The following AUTS2 variants were observed in gnomAD, a reference collection of about 807,000 sequenced individuals.
AUTS2 encodes the protein activator of transcription and developmental regulator AUTS2, also known as autism susceptibility gene 2 protein.
AUTS2 carries 17 observed loss-of-function variants against 112.4 expected under a neutral mutation model. The observed-to-expected ratio is 0.15, with a 90% CI of 0.10 to 0.23. The LOEUF is 0.23. Ranked by LOEUF, AUTS2 falls within the 10% of genes least tolerant of loss-of-function variation. The pLI is 1.00. For synonymous variants in AUTS2, 751 were observed against 702.7 expected (o/e 1.07, Z -1.09); for missense variants, 1,510 against 1,701.6 (o/e 0.89, Z 1.98).
chr7:69,922,436 GA>G (rs758989861), intron 2 of AUTS2, among the ~76,000 whole-genome samples: 2 of 152,206 alleles, frequency 1.3e-5, no homozygotes, highest in African/African-American at 2.4e-5. Flanking sequence ...TAAGACTTTA[GA>G]AATGGCTTAA....
chr7:69,670,753 A>T (rs1796282667), intron 1 of AUTS2, among the ~76,000 whole-genome samples: 2 of 151,894 alleles, frequency 1.3e-5, no homozygotes, highest in Admixed American at 1.3e-4. Flanking sequence ...CTTTCCAACT[A>T]CTTGGGAAGC....
intron 2 of AUTS2, among the ~76,000 whole-genome samples, chr7:69,957,134 C>T (rs1423037255): frequency 6.6e-6 from 1 of 151,572 alleles, no homozygotes; most frequent in Non-Finnish European, 1.5e-5. Flanking sequence ...CCTTGGCCCC[C>T]AGAAGTTCTG....
chr7:70,775,285 C>T, intron 12 of AUTS2, 72 bp from the exon 13 acceptor site: 2 of 1,307,172 alleles, frequency 1.5e-6, no homozygotes, highest in African/African-American at 1.5e-5. Flanking sequence ...TAATGAAGCA[C>T]TACAAATTTG....
At chr7:69,804,705 G>A (rs925014387) in intron 1 of AUTS2, among the ~76,000 whole-genome samples, 4 of 152,188 alleles carry the variant, frequency 2.6e-5, no homozygotes, top group South Asian at 2.1e-4. Context: ...GTCGAGAATC[G>A]TGCTGAGTTT....
At chr7:70,750,096 C>T (rs1788706913) in intron 6 of AUTS2, among the ~76,000 whole-genome samples, 1 of 152,088 alleles carries the variant, frequency 6.6e-6, no homozygotes, top group Admixed American at 6.6e-5. Context: ...GTGGTCCCTC[C>T]CCTGCAGAAC....
chr7:70,118,797 G>A (rs1031796554), intron 3 of AUTS2: 9 of 151,974 alleles, frequency 5.9e-5, no homozygotes, highest in African/African-American at 1.7e-4. Context: ...ATAAATTCCC[G>A]TTGGATTTCT....
chr7:69,732,010 T>G (rs567335361), intron 1 of AUTS2, among the ~76,000 whole-genome samples: 6 of 152,266 alleles, frequency 3.9e-5, no homozygotes, highest in African/African-American at 1.4e-4. Flanking sequence ...TTTTTGTTTT[T>G]TTTTTCCGCC....
chr7:70,527,057 C>A (rs145102724), intron 5 of AUTS2, among the ~76,000 whole-genome samples: 202 of 152,312 alleles, frequency 1.3e-3, no homozygotes, highest in African/African-American at 4.5e-3. Flanking sequence ...GCTGGTATCA[C>A]ACAAGCTGAG....
intron 1 of AUTS2, among the ~76,000 whole-genome samples, chr7:69,657,258 T>C (rs529890837): frequency 6.6e-6 from 1 of 152,318 alleles, no homozygotes; most frequent in South Asian, 2.1e-4. Flanking sequence ...TAGTGCTGAT[T>C]AGAGGTGACC....
At chr7:70,012,557 G>C (rs1799853248) in intron 2 of AUTS2, among the ~76,000 whole-genome samples, 1 of 151,938 alleles carries the variant, frequency 6.6e-6, no homozygotes, top group African/African-American at 2.4e-5. Context: ...CTCATCTCCT[G>C]CTTCTTATTT....
At chr7:70,116,407 G>A (rs1056391153) in intron 2 of AUTS2, among the ~76,000 whole-genome samples, 3 of 152,140 alleles carry the variant, frequency 2.0e-5, no homozygotes, top group Non-Finnish European at 4.4e-5. Context: ...AAGACTACAA[G>A]GAATGTTGAT....
intron 1 of AUTS2, among the ~76,000 whole-genome samples, chr7:69,614,367 T>TCTTTCTTTTC (rs57602451): frequency 1.1e-4 from 10 of 90,284 alleles, no homozygotes; most frequent in Non-Finnish European, 1.4e-4. Context: ...TTTCTTTCTT[T>TCTTTCTTTTC]TTTTAAGAGA....
At chr7:69,675,357 C>T (rs1218635784) in intron 1 of AUTS2, among the ~76,000 whole-genome samples, 2 of 152,092 alleles carry the variant, frequency 1.3e-5, no homozygotes, top group South Asian at 2.1e-4. Context: ...AATATACTAA[C>T]GTATTTTGTC....
At chr7:69,840,023 C>T (rs974109915) in intron 1 of AUTS2, among the ~76,000 whole-genome samples, 31 of 152,244 alleles carry the variant, frequency 2.0e-4, no homozygotes, top group Non-Finnish European at 3.7e-4. Context: ...GCTGGTTTCA[C>T]TCTAGACCCA....
At chr7:69,936,380 C>G (rs1207887792) in intron 2 of AUTS2, among the ~76,000 whole-genome samples, 3 of 152,058 alleles carry the variant, frequency 2.0e-5, no homozygotes. Flanking sequence ...GACAGAGTCT[C>G]TCTCTGTCGC....
chr7:70,118,087 CAG>C (rs749941409), intron 2 of AUTS2, 43 bp from the exon 3 acceptor site: 86 of 1,558,540 alleles, frequency 5.5e-5, no homozygotes, highest in Non-Finnish European at 7.2e-5. Flanking sequence ...AACTAAGAAG[CAG>C]ACCACTAACT....
chr7:70,530,299 G>A (rs1800027452), intron 5 of AUTS2, among the ~76,000 whole-genome samples: 1 of 152,196 alleles, frequency 6.6e-6, no homozygotes, highest in South Asian at 2.1e-4. Flanking sequence ...CAAGTTAACT[G>A]TATGAAGTAA....
intron 5 of AUTS2, among the ~76,000 whole-genome samples, chr7:70,531,249 G>A (rs187790400): frequency 6.1e-4 from 39 of 64,162 alleles, no homozygotes; most frequent in Non-Finnish European, 9.4e-4. Flanking sequence ...AATTCAGTGG[G>A]CTGATTAAAA....
chr7:69,834,339 G>T (rs531081247), intron 1 of AUTS2, among the ~76,000 whole-genome samples: 39 of 152,208 alleles, frequency 2.6e-4, no homozygotes, highest in Non-Finnish European at 1.3e-4. Context: ...TATACTCCAG[G>T]TTGATCTTCT....
Sources: allele counts gnomAD v4.1 joint callset (sites outside exome capture counted in the v4.1 genomes callset), GRCh38; gene constraint gnomAD v4.1.1; transcripts MANE v1.5; gene names NCBI Gene and HGNC (gene_info 2026-07-23, HGNC 2026-07-21).